The following RYR1 variants were observed in gnomAD, a reference collection of about 807,000 sequenced individuals.
The protein encoded by RYR1 is central core disease of muscle.
A neutral mutation model predicts 583.5 loss-of-function variants in RYR1; 342 were observed. The ratio of observed to expected loss-of-function variants is 0.59; its 90% CI spans 0.54 to 0.64. RYR1 has a LOEUF of 0.64. Among genes scored for constraint, RYR1 ranks in the 30% least tolerant of loss-of-function variants. RYR1 has a pLI of 0.00. For synonymous variants in RYR1, 2,791 were observed against 2,822.5 expected (o/e 0.99, Z 0.35); for missense variants, 6,032 against 6,917.2 (o/e 0.87, Z 4.54).
intron 27 of RYR1, among the ~76,000 whole-genome samples, chr19:38,472,226 G>C (rs771964534): frequency 3.9e-5 from 6 of 152,102 alleles, no homozygotes; most frequent in Non-Finnish European, 7.4e-5. Flanking sequence ...AGTCTCCTTA[G>C]TAGCTGGAAT....
chr19:38,563,027 G>T (rs575115790), intron 90 of RYR1, among the ~76,000 whole-genome samples: 2 of 152,244 alleles, frequency 1.3e-5, no homozygotes, highest in Admixed American at 1.3e-4. Flanking sequence ...GGAAGCCCCT[G>T]TTCACCACGG....
chr19:38,532,398 C>A, intron 76 of RYR1, 92 bp from the exon 77 acceptor site: 1 of 1,279,004 alleles, frequency 7.8e-7, no homozygotes, highest in Non-Finnish European at 1.1e-6. Flanking sequence ...GTTGGGATTA[C>A]AGGCATGAGC....
chr19:38,523,892 C>G, intron 69 of RYR1, 23 bp from the exon 70 acceptor site: 1 of 1,614,024 alleles, frequency 6.2e-7, no homozygotes, highest in Non-Finnish European at 8.5e-7. Flanking sequence ...CTTCTTGTCT[C>G]TGTCTGCGGT....
At chr19:38,457,903 C>G in intron 17 of RYR1, 148 bp from the exon 18 acceptor site, 1 of 880,668 alleles carries the variant, frequency 1.1e-6, no homozygotes, top group Non-Finnish European at 1.9e-6. Context: ...CTGTTTCTGT[C>G]TTGATTCTTC....
At chr19:38,447,301 G>A (rs1010119841) in intron 9 of RYR1, among the ~76,000 whole-genome samples, 41 of 152,288 alleles carry the variant, frequency 2.7e-4, no homozygotes, top group Non-Finnish European at 1.0e-4. Context: ...AGCACTTTGG[G>A]AGGCCGAGGC....
chr19:38,524,047 C>A, intron 70 of RYR1, 118 bp downstream of exon 70: 1 of 1,152,406 alleles, frequency 8.7e-7, no homozygotes, highest in South Asian at 1.3e-5. Context: ...CCGTCCTCCC[C>A]TCCCAGCCCC....
At position 38,458,215 on chromosome 19, in the gene RYR1, C is replaced by T. The variant is rs1384604257; in HGVS notation, c.2090C>T (p.Ala697Val). The stretch of plus-strand genomic sequence containing the variant: ...GAGGGCTACACCCCCTACCCTGGGG[C>T]CGGCGAGGGCTGGGGCGGCAACGGG... ...LTEGYTPYPG[A>V]GEGWGGNGVG... The change falls in exon 18 of 106, where the codon GCC (alanine) becomes GTC (valine). Residue 697 changes from alanine to valine, a missense_variant. Ala to Val is a moderately conservative substitution (Grantham distance 64). Transcript: ENST00000359596. The T allele has an allele frequency of 1.2e-6, 2 of 1,613,950 alleles. No homozygotes were observed. Among genetic ancestry groups the T allele is most frequent in the South Asian group, 1.1e-5 (1 of 91,086 alleles).
chr19:38,433,728 C>T lies in RYR1; in HGVS notation c.-102C>T, dbSNP rs190259953. ...ACCTCGCGGGTGCCTCTGGTGTCTC[C>T]AGAGGTCTCCGACCCCAGCCCGCCC... On this transcript the variant is annotated 5_prime_UTR_variant, in exon 1 of 106. Transcript: ENST00000359596. 1.9e-3 allele frequency: 1,534 copies of T among 823,520 alleles called. 20 individuals carry two copies. The East Asian group carries it at 0.026, about 14-fold the overall frequency. The allele number at this position is 823,520 out of a possible 1,614,324, so 51.0% of individuals were successfully genotyped here.
chr19:38,580,042 T>A lies in RYR1; in HGVS notation c.14425T>A (p.Phe4809Ile). ...CCTCTTGGGACACTACAACAACTTC[T>A]TCTTTGCTGCCCATCTCCTGGACAT... ...MSLLGHYNNF[F>I]FAAHLLDIAM... The change falls in exon 100 of 106, where the codon TTC (phenylalanine) becomes ATC (isoleucine). Residue 4809 changes from phenylalanine (F) to isoleucine (I), a missense_variant. Phe to Ile is a conservative substitution (Grantham distance 21). Coordinates refer to ENST00000359596, the MANE Select transcript of RYR1 (RefSeq NM_000540.3). The A allele has an allele frequency of 1.2e-6, 2 of 1,614,202 alleles. No individual in the cohort carries two copies. The highest frequency in any genetic ancestry group is 2.2e-5 in the South Asian group (2 of 91,086).
Position 38,500,875 on chromosome 19 carries a change from C to T in RYR1, c.7499C>T (p.Ala2500Val), listed in dbSNP as rs759055097. The change falls in exon 47 of 106, where the codon GCG becomes GTG. Residue 2500 changes from alanine (A) to valine (V), a missense_variant. By Grantham distance (64) the Ala-to-Val change is moderately conservative (BLOSUM62 0). This residue lies in a region of RYR1 where 2,627 missense variants were observed against 2,961.3 expected (regional missense o/e 0.89). Coordinates refer to ENST00000359596, the MANE Select transcript of RYR1 (RefSeq NM_000540.3). This position sits in a 1 kb window ranked among gnomAD's most constrained non-coding sequence, Gnocchi z 5.9. ...GCATCCTTCGTGCCGGACCACAAGG[C>T]GTCCATGGTGCTCTTCCTGGACCGT... The part of the protein sequence containing the change: ...MSASFVPDHK[A>V]SMVLFLDRVY... 3 of 1,614,098 alleles carry T rather than the reference C, an allele frequency of 1.9e-6. No individual in the cohort carries two copies. The highest frequency in any genetic ancestry group is 2.5e-6 in the Non-Finnish European group (3 of 1,180,018).
intron 73 of RYR1, 162 bp downstream of exon 73, chr19:38,527,946 G>A: frequency 1.3e-6 from 1 of 771,186 alleles, no homozygotes; most frequent in South Asian, 1.8e-5. Flanking sequence ...ATGGATCGGG[G>A]GAGGGGTCTG....
At chr19:38,470,980 G>A (rs79093079) in intron 27 of RYR1, among the ~76,000 whole-genome samples, 6,708 of 152,262 alleles carry the variant, frequency 0.044, 489 homozygotes, top group African/African-American at 0.15. Context: ...CATGCTACAC[G>A]GAAGTGAGAA....
rs2229147 is a variant in RYR1 at position 38,499,705 on chromosome 19, C to A, written c.7098C>A (p.Pro2366=). 24 of 1,600,932 alleles carry A rather than the reference C, an allele frequency of 1.5e-5. No individual in the cohort carries two copies. The South Asian group carries it at 2.4e-4, about 16-fold the overall frequency. ...LLIRKPECFG[P]ALRGEGGSGL... is the part of the protein sequence containing the mutation. ...TCCGGAAGCCTGAGTGCTTCGGACC[C>A]GCCCTGCGGGGTGAGGGTGGCTCAG... The change falls in exon 44 of 106, where the codon CCC becomes CCA. Residue 2366 remains proline (P), a synonymous_variant. Coordinates refer to ENST00000359596, the MANE Select transcript of RYR1 (RefSeq NM_000540.3). The surrounding 1 kb of genome is among the most constrained non-coding windows in gnomAD (Gnocchi z 7.3).
chr19:38,550,681 C>T lies in RYR1; in HGVS notation c.12282+2261C>T, dbSNP rs77800005. Among the ~76,000 whole-genome samples the T allele has an allele frequency of 7.7e-3, 1,174 of 152,152 alleles. 18 individuals carry two copies. Among genetic ancestry groups the T allele is most frequent in the African/African-American group, 0.024 (984 of 41,538 alleles). On this transcript the variant is annotated intron_variant, in intron 89 of 105. Transcript: ENST00000359596. ...GTGAGTCACTGCACCTGGCCAATGT[C>T]TCTTCCCATTACTGTTGTTAACTTG...
chr19:38,453,160 G>A, intron 13 of RYR1, 146 bp downstream of exon 13: 1 of 804,736 alleles, frequency 1.2e-6, no homozygotes, highest in African/African-American at 1.7e-5. Flanking sequence ...AGAAGGAGCC[G>A]GACAGGAACC....
chr19:38,528,439 G>A (rs1450429481), intron 74 of RYR1, 21 bp downstream of exon 74: 2 of 1,612,588 alleles, frequency 1.2e-6, no homozygotes, highest in Non-Finnish European at 1.7e-6. Flanking sequence ...CAGGGACAAG[G>A]GAAGCGTGAA....
intron 13 of RYR1, 123 bp downstream of exon 13, chr19:38,453,137 G>C: frequency 1.9e-6 from 2 of 1,040,662 alleles, no homozygotes; most frequent in Middle Eastern, 3.0e-4. Context: ...GTCTGAGAAG[G>C]GGGCGGGGCA....
intron 102 of RYR1, 151 bp from the exon 103 acceptor site, chr19:38,585,787 A>G: frequency 1.0e-6 from 1 of 959,082 alleles, no homozygotes; most frequent in Non-Finnish European, 1.6e-6. Context: ...CCGGCCAATA[A>G]AGGCCTAATA....
intron 20 of RYR1, among the ~76,000 whole-genome samples, chr19:38,461,721 G>GAA (rs34209906): frequency 0.064 from 4,769 of 74,912 alleles, 283 homozygotes; most frequent in African/African-American, 0.13. Flanking sequence ...GCAAAACCCT[G>GAA]AAAAAAAAAA....
Sources: gnomAD v4.1 joint callset for allele counts (sites outside exome capture counted in the v4.1 genomes callset) on GRCh38, gnomAD v4.1.1 for gene constraint, gnomAD v4.1.1 regional missense constraint, Gnocchi (gnomAD v3.1) non-coding constraint, MANE v1.5 for transcripts, NCBI Gene and HGNC (gene_info 2026-07-23, HGNC 2026-07-21) for gene names.